Variants in ZMAT4 observed in about 807,000 individuals in gnomAD.
ZMAT4 encodes the protein zinc finger matrin-type 4.
In ZMAT4, 17 loss-of-function variants were observed where a neutral mutation model predicts 28.7. The ratio of observed to expected loss-of-function variants is 0.59; its 90% confidence interval spans 0.41 to 0.89. ZMAT4 has a LOEUF of 0.89. ZMAT4 is among the 40% of genes least tolerant of loss of function. The pLI is 0.00. For synonymous variants in ZMAT4, 117 were observed against 109.2 expected (o/e 1.07, Z -0.44); for missense variants, 240 against 283.8 (o/e 0.85, Z 1.11).
chr8:40,836,689 G>A (rs1816502205), intron 1 of ZMAT4, among the ~76,000 whole-genome samples: 1 of 151,018 alleles, frequency 6.6e-6, no homozygotes, highest in Admixed American at 6.6e-5. Flanking sequence ...GGGCATACAT[G>A]TAGAAAAGAT....
At chr8:40,754,032 C>T (rs1174459836) in intron 3 of ZMAT4, among the ~76,000 whole-genome samples, 1 of 151,934 alleles carries the variant, frequency 6.6e-6, no homozygotes, top group Admixed American at 6.6e-5. Context: ...ATTAGCTGGG[C>T]ATGGTGGCAC....
At chr8:40,681,201 C>T (rs1809149831) in intron 4 of ZMAT4, among the ~76,000 whole-genome samples, 1 of 152,166 alleles carries the variant, frequency 6.6e-6, no homozygotes, top group South Asian at 2.1e-4. Context: ...ATTTCAATGT[C>T]AACTCGTTTC....
chr8:40,587,296 G>A (rs1000741233), intron 5 of ZMAT4, among the ~76,000 whole-genome samples: 1 of 152,036 alleles, frequency 6.6e-6, no homozygotes, highest in Non-Finnish European at 1.5e-5. Context: ...TGGTGGAGGG[G>A]AAATGCAACC....
intron 2 of ZMAT4, among the ~76,000 whole-genome samples, chr8:40,770,727 T>C (rs772639388): frequency 2.0e-5 from 3 of 152,176 alleles, no homozygotes; most frequent in Non-Finnish European, 2.9e-5. Context: ...TTTGTATTTG[T>C]AGTAGAGACA....
intron 6 of ZMAT4, among the ~76,000 whole-genome samples, chr8:40,560,653 T>C (rs1407913033): frequency 1.3e-5 from 2 of 152,072 alleles, no homozygotes; most frequent in East Asian, 3.9e-4. Context: ...CCTGATAATA[T>C]GAATGATCAC....
At chr8:40,646,272 C>T (rs750969956) in intron 5 of ZMAT4, among the ~76,000 whole-genome samples, 2 of 150,970 alleles carry the variant, frequency 1.3e-5, no homozygotes, top group Non-Finnish European at 3.0e-5. Flanking sequence ...TCTCTTCGTG[C>T]TTTTTTTCAT....
At position 40,833,557 on chromosome 8, in the gene ZMAT4, A is replaced by G. The variant is rs867577943; in HGVS notation, c.-4-7877T>C. On this transcript the variant is annotated intron_variant, in intron 1 of 6. Transcript: ENST00000297737. Reference sequence around the variant, plus strand: ...CACTCCAGCAAAAAAAAAAAAAAAAAAGACATGAAATCATCATGGTCTTCC... The same window carrying G: ...CACTCCAGCAAAAAAAAAAAAAAAAGAGACATGAAATCATCATGGTCTTCC... Among the ~76,000 whole-genome samples the G allele has an allele frequency of 3.9e-3, 566 of 146,518 alleles. 9 individuals carry two copies. Among genetic ancestry groups the G allele is most frequent in the African/African-American group, 0.013 (541 of 40,468 alleles).
chr8:40,699,403 C>A (rs1181121358), intron 3 of ZMAT4, among the ~76,000 whole-genome samples: 1 of 151,958 alleles, frequency 6.6e-6, no homozygotes, highest in East Asian at 1.9e-4. Context: ...ATTAGCGTAA[C>A]AAAGAACTAA....
chr8:40,535,915 G>C (rs918109309), intron 6 of ZMAT4, among the ~76,000 whole-genome samples: 2 of 152,136 alleles, frequency 1.3e-5, no homozygotes, highest in Non-Finnish European at 2.9e-5. Flanking sequence ...TAGTGACAAG[G>C]AAAAGGCAGT....
chr8:40,553,837 G>T (rs539610565), intron 6 of ZMAT4, among the ~76,000 whole-genome samples: 1 of 152,242 alleles, frequency 6.6e-6, no homozygotes, highest in East Asian at 1.9e-4. Flanking sequence ...GGAGAGGAAA[G>T]AAAGAAATTT....
chr8:40,662,911 C>T (rs1437169975), intron 5 of ZMAT4, among the ~76,000 whole-genome samples: 1 of 152,180 alleles, frequency 6.6e-6, no homozygotes, highest in East Asian at 1.9e-4. Flanking sequence ...ACTTTTCCCC[C>T]TTGACCTCTG....
At chr8:40,696,869 C>T (rs1282971359) in intron 4 of ZMAT4, 3 of 161,286 alleles carry the variant, frequency 1.9e-5, no homozygotes, top group African/African-American at 7.2e-5. Context: ...GGTAGGGGAC[C>T]TCTCTATTAC....
intron 5 of ZMAT4, among the ~76,000 whole-genome samples, chr8:40,621,551 G>A (rs1049224313): frequency 6.6e-6 from 1 of 152,178 alleles, no homozygotes; most frequent in East Asian, 1.9e-4. Flanking sequence ...AGCAGGCAAG[G>A]CTGGGAATTT....
At chr8:40,602,359 C>A (rs1007300285) in intron 5 of ZMAT4, among the ~76,000 whole-genome samples, 1 of 152,118 alleles carries the variant, frequency 6.6e-6, no homozygotes, top group African/African-American at 2.4e-5. Flanking sequence ...ATAATAACTT[C>A]TTTTCCTCTG....
At chr8:40,722,703 C>A (rs923046148) in intron 3 of ZMAT4, among the ~76,000 whole-genome samples, 1 of 152,120 alleles carries the variant, frequency 6.6e-6, no homozygotes, top group Non-Finnish European at 1.5e-5. Flanking sequence ...CCAACAAACA[C>A]CCTCCCTGCT....
chr8:40,805,020 A>C (rs1245802281), intron 2 of ZMAT4, among the ~76,000 whole-genome samples: 3 of 151,572 alleles, frequency 2.0e-5, no homozygotes, highest in Non-Finnish European at 4.4e-5. Context: ...CAACCTACAA[A>C]ATGGGAGAAA....
intron 1 of ZMAT4, among the ~76,000 whole-genome samples, chr8:40,863,187 A>T (rs1817564936): frequency 6.6e-6 from 1 of 152,128 alleles, no homozygotes. Flanking sequence ...GTGTGATCCC[A>T]AGGATGGCGC....
intron 3 of ZMAT4, among the ~76,000 whole-genome samples, chr8:40,720,250 G>A (rs1389404082): frequency 6.6e-6 from 1 of 152,104 alleles, no homozygotes. Context: ...TTATTAACCA[G>A]CACTATTATT....
At chr8:40,669,943 G>T (rs1375261321) in intron 5 of ZMAT4, among the ~76,000 whole-genome samples, 3 of 152,116 alleles carry the variant, frequency 2.0e-5, no homozygotes, top group African/African-American at 7.2e-5. Flanking sequence ...TTCATGGATT[G>T]GAAGACTCGA....
Sources: gnomAD v4.1 joint callset for allele counts (sites outside exome capture counted in the v4.1 genomes callset) on GRCh38, gnomAD v4.1.1 for gene constraint, MANE v1.5 for transcripts, NCBI Gene and HGNC (gene_info 2026-07-23, HGNC 2026-07-21) for gene names.